Variants in PLCB1 observed in about 807,000 individuals in gnomAD.
PLCB1 encodes the protein 1-phosphatidylinositol 4,5-bisphosphate phosphodiesterase beta-1.
Under a neutral mutation model 161.8 loss-of-function variants are expected in PLCB1, and 46 were observed. The ratio of observed to expected loss-of-function variants is 0.28; its 90% CI spans 0.22 to 0.36. The LOEUF (loss-of-function observed/expected upper bound fraction) is 0.36, where lower values mean the gene tolerates loss of function less well. Ranked by LOEUF, PLCB1 falls within the 10% of genes least tolerant of loss-of-function variation. PLCB1 has a pLI of 1.00. For missense variants in PLCB1, 1,016 were observed against 1,472.5 expected (o/e 0.69, Z 5.07); for synonymous variants, 517 against 503.7 (o/e 1.03, Z -0.35).
At chr20:8,809,271 G>A (rs761780638) in intron 31 of PLCB1, among the ~76,000 whole-genome samples, 2 of 152,228 alleles carry the variant, frequency 1.3e-5, no homozygotes, top group Non-Finnish European at 2.9e-5. Flanking sequence ...GCCTCCCAAA[G>A]TGCTCGGATT....
chr20:8,693,509 G>A (rs2123418888), intron 10 of PLCB1, among the ~76,000 whole-genome samples: 1 of 152,284 alleles, frequency 6.6e-6, no homozygotes, highest in African/African-American at 2.4e-5. Context: ...TATATGCCCT[G>A]AATGGCTGTC....
intron 2 of PLCB1, among the ~76,000 whole-genome samples, chr20:8,300,521 C>T (rs775957914): frequency 1.3e-5 from 2 of 152,022 alleles, no homozygotes; most frequent in Admixed American, 6.6e-5. Flanking sequence ...GACTCCATAG[C>T]CATTTGTTTG....
At chr20:8,628,114 G>T (rs965910617) in intron 3 of PLCB1, among the ~76,000 whole-genome samples, 180 bp from the exon 4 acceptor site, 8 of 152,132 alleles carry the variant, frequency 5.3e-5, no homozygotes, top group African/African-American at 1.9e-4. Context: ...CTACCTCTGG[G>T]CAAGTTGCTT....
At chr20:8,680,102 G>T (rs1340285158) in intron 9 of PLCB1, among the ~76,000 whole-genome samples, 1 of 152,120 alleles carries the variant, frequency 6.6e-6, no homozygotes, top group African/African-American at 2.4e-5. Flanking sequence ...AAGTTTTTTA[G>T]AAAAGCAATG....
chr20:8,238,603 A>T (rs1980441357), intron 2 of PLCB1, among the ~76,000 whole-genome samples: 1 of 152,118 alleles, frequency 6.6e-6, no homozygotes, highest in Admixed American at 6.6e-5. Context: ...GAGGAACAAG[A>T]CAATATGTAC....
chr20:8,802,128 C>A, intron 31 of PLCB1: 1 of 1,612,606 alleles, frequency 6.2e-7, no homozygotes, highest in Non-Finnish European at 8.5e-7. Context: ...CTTTACTCCC[C>A]CCAACCCTCA....
intron 13 of PLCB1, among the ~76,000 whole-genome samples, chr20:8,717,049 G>A (rs1490187417): frequency 1.3e-5 from 2 of 152,144 alleles, no homozygotes; most frequent in Non-Finnish European, 2.9e-5. Flanking sequence ...CCCCCTCATG[G>A]GAAATTGATT....
chr20:8,765,089 T>C, intron 25 of PLCB1, 50 bp from the exon 26 acceptor site: 2 of 1,425,054 alleles, frequency 1.4e-6, no homozygotes, highest in Non-Finnish European at 1.9e-6. Context: ...TCTTTCCATC[T>C]GGATGTTCAG....
chr20:8,198,813 C>A (rs1410510746), intron 2 of PLCB1, among the ~76,000 whole-genome samples: 1 of 151,978 alleles, frequency 6.6e-6, no homozygotes, highest in Non-Finnish European at 1.5e-5. Flanking sequence ...ACTACAATTA[C>A]AAATTACATG....
intron 3 of PLCB1, among the ~76,000 whole-genome samples, chr20:8,408,727 A>C (rs1281994530): frequency 6.6e-6 from 1 of 152,206 alleles, no homozygotes; most frequent in Non-Finnish European, 1.5e-5. Context: ...ACTGTAAAAA[A>C]AGTCAACTGT....
At chr20:8,690,817 C>A (rs1990459663) in intron 10 of PLCB1, among the ~76,000 whole-genome samples, 1 of 152,100 alleles carries the variant, frequency 6.6e-6, no homozygotes, top group Non-Finnish European at 1.5e-5. Flanking sequence ...TAATTTCCTC[C>A]CATAGTTATC....
At chr20:8,176,808 T>C (rs1187807811) in intron 2 of PLCB1, among the ~76,000 whole-genome samples, 1 of 152,090 alleles carries the variant, frequency 6.6e-6, no homozygotes, top group East Asian at 1.9e-4. Context: ...GCATATGAAA[T>C]CTGTAATTAT....
chr20:8,498,813 C>T (rs1008975288), intron 3 of PLCB1, among the ~76,000 whole-genome samples: 5 of 152,164 alleles, frequency 3.3e-5, no homozygotes, highest in African/African-American at 9.7e-5. Context: ...GTTAGAGGAA[C>T]TTATAGGAGA....
chr20:8,195,780 T>A (rs2052017078), intron 2 of PLCB1, among the ~76,000 whole-genome samples: 1 of 152,168 alleles, frequency 6.6e-6, no homozygotes, highest in African/African-American at 2.4e-5. Context: ...ATTGGTCAGT[T>A]ACTTTATGCA....
At chr20:8,550,121 C>CTCATA (rs1280723433) in intron 3 of PLCB1, among the ~76,000 whole-genome samples, 1 of 152,160 alleles carries the variant, frequency 6.6e-6, no homozygotes, top group African/African-American at 2.4e-5. Flanking sequence ...ACTTTACAGG[C>CTCATA]TCATACGTGG....
chr20:8,811,120 T>C (rs956103521), intron 31 of PLCB1, among the ~76,000 whole-genome samples: 26 of 152,204 alleles, frequency 1.7e-4, no homozygotes, highest in Admixed American at 1.3e-4. Flanking sequence ...TGATCCCCAG[T>C]GTCTAAAGTT....
intron 24 of PLCB1, among the ~76,000 whole-genome samples, chr20:8,760,007 G>C (rs1298785635): frequency 1.4e-5 from 2 of 140,062 alleles, no homozygotes; most frequent in East Asian, 4.4e-4. Flanking sequence ...CTGGCTTCAA[G>C]TGATTCTTCT....
chr20:8,234,529 A>G (rs1600251499), intron 2 of PLCB1, among the ~76,000 whole-genome samples: 1 of 152,260 alleles, frequency 6.6e-6, no homozygotes, highest in East Asian at 1.9e-4. Flanking sequence ...TCAATGCAGT[A>G]CCACATTAAA....
At position 8,700,624 on chromosome 20, in the gene PLCB1, C is replaced by T. The variant is rs117409816; in HGVS notation, c.1167+2841C>T. ...GAATGCTGCTTTCTCTCTCTGCCTG[C>T]TGGAGTTGGGAGTGGGGAGGTGACC... On this transcript the variant is annotated intron_variant, in intron 11 of 31. Coordinates refer to ENST00000338037, the MANE Select transcript of PLCB1 (RefSeq NM_015192.4). 5.9e-5 allele frequency among the ~76,000 whole-genome samples: 9 copies of T among 152,298 alleles called. No homozygotes were observed. The East Asian group carries it at 1.7e-3, about 29-fold the overall frequency.
Sources: gnomAD v4.1 joint callset for allele counts (sites outside exome capture counted in the v4.1 genomes callset) on GRCh38, gnomAD v4.1.1 for gene constraint, MANE v1.5 for transcripts, NCBI Gene and HGNC (gene_info 2026-07-23, HGNC 2026-07-21) for gene names.